The following NEK1 variants were observed in gnomAD, a reference collection of about 807,000 sequenced individuals.
NEK1 encodes the protein NIMA related kinase 1, also known as serine/threonine-protein kinase Nek1.
Under a neutral mutation model 182.1 loss-of-function variants are expected in NEK1, and 137 were observed. That is an observed-to-expected ratio of 0.75 (90% confidence interval 0.65 to 0.87). The LOEUF is 0.87. Ranked by LOEUF, NEK1 falls within the 40% of genes least tolerant of loss-of-function variation. The pLI, the probability that NEK1 is intolerant of heterozygous loss-of-function variation, is 0.00. For synonymous variants in NEK1, 513 were observed against 492.2 expected (o/e 1.04, Z -0.56); for missense variants, 1,391 against 1,494.4 (o/e 0.93, Z 1.14).
At chr4:169,508,590 T>C (rs1465277274) in intron 20 of NEK1, among the ~76,000 whole-genome samples, 179 bp downstream of exon 20, 5 of 152,192 alleles carry the variant, frequency 3.3e-5, no homozygotes, top group Admixed American at 2.0e-4. Flanking sequence ...AATCATAATA[T>C]TGAATAAGTT....
At chr4:169,593,762 G>T (rs980708825) in intron 5 of NEK1, among the ~76,000 whole-genome samples, 1 of 152,142 alleles carries the variant, frequency 6.6e-6, no homozygotes, top group South Asian at 2.1e-4. Flanking sequence ...GCCTAGGCGG[G>T]CAGATCACGA....
At chr4:169,591,982 G>A (rs1480922870) in intron 5 of NEK1, among the ~76,000 whole-genome samples, 3 of 151,594 alleles carry the variant, frequency 2.0e-5, no homozygotes, top group African/African-American at 7.3e-5. Flanking sequence ...TGCAAATGAC[G>A]GGGCGAAAAA....
chr4:169,577,039 CA>C lies in NEK1; in HGVS notation c.908del (p.Met303SerfsTer17). 1 of 1,613,650 alleles carries C rather than the reference CA, an allele frequency of 6.2e-7. No individual in the cohort carries two copies. The part of the protein sequence containing the change: ...PASGQNSISV[M>X]PAQKITKPAA... ...CAGGCTTTGTAATTTTCTGAGCAGG[CA>C]TAACAGAAATCGAGTTTTGTCCTGA... On this transcript the variant is annotated frameshift_variant, in exon 12 of 36. Coordinates refer to ENST00000507142, the MANE Select transcript of NEK1 (RefSeq NM_001199397.3). LOFTEE classifies it high-confidence loss of function.
intron 27 of NEK1, among the ~76,000 whole-genome samples, chr4:169,462,682 TA>T (rs972738261): frequency 4.6e-5 from 7 of 152,072 alleles, no homozygotes; most frequent in African/African-American, 1.7e-4. Flanking sequence ...ACACAACTTC[TA>T]AAAAGAGGAA....
intron 10 of NEK1, among the ~76,000 whole-genome samples, chr4:169,581,566 T>A (rs750434637): frequency 3.3e-5 from 5 of 152,198 alleles, no homozygotes; most frequent in Non-Finnish European, 5.9e-5. Flanking sequence ...ATTAAAGGTA[T>A]GTGCCACCGT....
At chr4:169,446,044 AGAGAGCAGAATGG>A (rs2149449391) in intron 27 of NEK1, among the ~76,000 whole-genome samples, 1 of 152,148 alleles carries the variant, frequency 6.6e-6, no homozygotes, top group South Asian at 2.1e-4. Flanking sequence ...TCATGGAAGT[AGAGAGCAGAATGG>A]TGCTTATCAG....
In NEK1 at chr4:169,561,537, C is replaced by T; in HGVS notation, c.1209G>A (p.Arg403=). Reference sequence around the variant, plus strand: ...CATTTCTCCATCCTTGTTCCCTGGCCCTATTTATTCTTTCCAACTTTGGGG... The same window carrying T: ...CATTTCTCCATCCTTGTTCCCTGGCTCTATTTATTCTTTCCAACTTTGGGG... The part of the protein sequence containing the change: ...QEKERLERIN[R]AREQGWRNVL... Residue 403 remains arginine, a synonymous_variant, in exon 16 of 36, where the codon AGG becomes AGA. Coordinates refer to ENST00000507142, the MANE Select transcript of NEK1 (RefSeq NM_001199397.3). The T allele has an allele frequency of 6.2e-7, 1 of 1,613,242 alleles. No individual in the cohort carries two copies. The highest frequency in any genetic ancestry group is 1.1e-5 in the South Asian group (1 of 90,904).
intron 28 of NEK1, among the ~76,000 whole-genome samples, chr4:169,437,879 G>A (rs1039916514): frequency 2.0e-5 from 3 of 152,056 alleles, no homozygotes; most frequent in East Asian, 1.9e-4. Context: ...GGTATGAAAC[G>A]GTTGGTGTTT....
At chr4:169,472,586 C>T (rs1288429846) in intron 26 of NEK1, among the ~76,000 whole-genome samples, 1 of 152,194 alleles carries the variant, frequency 6.6e-6, no homozygotes, top group Admixed American at 6.5e-5. Context: ...ATTTGGCCAT[C>T]CTGACACTTT....
intron 2 of NEK1, among the ~76,000 whole-genome samples, chr4:169,607,967 G>A (rs1017288754): frequency 3.3e-5 from 5 of 151,982 alleles, no homozygotes; most frequent in Non-Finnish European, 5.9e-5. Context: ...ATGGGGGTGG[G>A]GGTGGAGAAA....
Position 169,393,208 on chromosome 4 carries a change from T to C in NEK1, c.*1302A>G, listed in dbSNP as rs1733685387. The C allele has an allele frequency of 6.6e-6, 1 of 152,166 alleles. No homozygotes were observed. The highest frequency in any genetic ancestry group is 1.5e-5 in the Non-Finnish European group (1 of 68,030). 9.4% of individuals were successfully genotyped at this position (152,166 alleles called of 1,614,324 possible). On this transcript the variant is annotated 3_prime_UTR_variant, in exon 36 of 36. Transcript: ENST00000507142. Reference sequence around the variant, plus strand: ...AGGTACAAAACCAACAAAAGTATTATCAGCTTGATGTAAAAGCCTTCTATT... The same window carrying C: ...AGGTACAAAACCAACAAAAGTATTACCAGCTTGATGTAAAAGCCTTCTATT...
chr4:169,530,962 T>G (rs1346153961), intron 19 of NEK1, among the ~76,000 whole-genome samples: 1 of 149,624 alleles, frequency 6.7e-6, no homozygotes, highest in Non-Finnish European at 1.5e-5. Context: ...GAGAGTCATC[T>G]GAGTTACTGA....
intron 23 of NEK1, among the ~76,000 whole-genome samples, chr4:169,485,390 C>T (rs1748853339): frequency 6.6e-6 from 1 of 152,114 alleles, no homozygotes; most frequent in Non-Finnish European, 1.5e-5. Context: ...ATGTCATACA[C>T]TTAAGTAACT....
chr4:169,595,922 CAAAAAAAAAA>C lies in NEK1; in HGVS notation c.312+3168_312+3177del, dbSNP rs56313001. 5.8e-3 allele frequency among the ~76,000 whole-genome samples: 390 copies of C among 67,204 alleles called. 1 individual carries two copies. The highest frequency in any genetic ancestry group is 8.2e-3 in the Non-Finnish European group (303 of 37,052). The allele number at this position is 67,204 out of a possible 152,430, so 44.1% of individuals were successfully genotyped here. ...TGGGGGACAGAGCCAGACTCCACCT[CAAAAAAAAAA>C]AAAAAAAAAAAAGGAAATATATGTG... On this transcript the variant is annotated intron_variant, in intron 5 of 35. Coordinates refer to ENST00000507142, the MANE Select transcript of NEK1 (RefSeq NM_001199397.3).
intron 23 of NEK1, among the ~76,000 whole-genome samples, chr4:169,485,249 C>T (rs1056753848): frequency 6.6e-6 from 1 of 152,146 alleles, no homozygotes; most frequent in African/African-American, 2.4e-5. Context: ...CAAATTCAGA[C>T]ATGGAATCTA....
chr4:169,448,204 GTGA>G (rs1740959006), intron 27 of NEK1, among the ~76,000 whole-genome samples: 1 of 152,078 alleles, frequency 6.6e-6, no homozygotes, highest in African/African-American at 2.4e-5. Flanking sequence ...TCCAGCCTGG[GTGA>G]CAGAGTGAGT....
intron 19 of NEK1, among the ~76,000 whole-genome samples, chr4:169,511,073 C>T (rs1487992024): frequency 6.6e-6 from 1 of 152,124 alleles, no homozygotes; most frequent in Admixed American, 6.6e-5. Context: ...CACATAAGCA[C>T]TGTTGATCTT....
intron 19 of NEK1, among the ~76,000 whole-genome samples, chr4:169,528,597 C>T (rs533181550): frequency 6.6e-6 from 1 of 152,238 alleles, no homozygotes; most frequent in South Asian, 2.1e-4. Flanking sequence ...GTGAGATAAA[C>T]TGCTAAATTG....
intron 19 of NEK1, among the ~76,000 whole-genome samples, chr4:169,537,468 G>A (rs2149813024): frequency 6.6e-6 from 1 of 152,012 alleles, no homozygotes; most frequent in South Asian, 2.1e-4. Context: ...AAAGCATATT[G>A]GGGAAAAAAA....
Sources: gnomAD v4.1 joint callset for allele counts (sites outside exome capture counted in the v4.1 genomes callset) on GRCh38, gnomAD v4.1.1 for gene constraint, MANE v1.5 for transcripts, NCBI Gene and HGNC (gene_info 2026-07-23, HGNC 2026-07-21) for gene names.